Variants in NKAIN2 observed in about 807,000 individuals in gnomAD.
NKAIN2 encodes the protein sodium/potassium-transporting ATPase subunit beta-1-interacting protein 2.
Under a neutral mutation model 32.6 loss-of-function variants are expected in NKAIN2, and 14 were observed. The ratio of observed to expected loss-of-function variants is 0.43; its 90% CI spans 0.28 to 0.67. The LOEUF is 0.67. Among genes scored for constraint, NKAIN2 ranks in the 30% least tolerant of loss-of-function variants. The pLI, the probability that NKAIN2 is intolerant of heterozygous loss-of-function variation, is 0.17. For missense variants in NKAIN2, 198 were observed against 258.3 expected, an observed-to-expected ratio of 0.77 and a Z score of 1.60; for synonymous variants, 80 against 87.2, an observed-to-expected ratio of 0.92 and a Z score of 0.46.
chr6:123,807,046 C>T (rs760312493), intron 1 of NKAIN2, among the ~76,000 whole-genome samples: 1 of 151,964 alleles, frequency 6.6e-6, no homozygotes, highest in African/African-American at 2.4e-5. Flanking sequence ...GGGACAGAGG[C>T]AGATTCTTCA....
chr6:124,653,705 G>C (rs911444174), intron 3 of NKAIN2, among the ~76,000 whole-genome samples: 1 of 151,928 alleles, frequency 6.6e-6, no homozygotes, highest in Non-Finnish European at 1.5e-5. Context: ...ATTATCAAAA[G>C]AATGAAAAGA....
chr6:123,804,257 A>G lies in NKAIN2; in HGVS notation c.54+3A>G, dbSNP rs1419229896. Reference sequence around the variant, plus strand: ...TCTTTATCTGTGGCATGCAACTGGTAAGTGACACTTGGGTCCCCTTATTCT... The same window carrying G: ...TCTTTATCTGTGGCATGCAACTGGTGAGTGACACTTGGGTCCCCTTATTCT... On this transcript the variant is annotated splice_donor_region_variant and intron_variant, in intron 1 of 6. Transcript: ENST00000368417. 3.7e-6 allele frequency: 6 copies of G among 1,612,284 alleles called. No homozygotes were observed. The highest frequency in any genetic ancestry group is 2.2e-5 in the South Asian group (2 of 91,052).
chr6:124,552,696 G>A lies in NKAIN2; in HGVS notation c.274-105490G>A, dbSNP rs184680795. Reference sequence around the variant, plus strand: ...TTTTCAATGTCTGCTTGTTGAACAGGGGGAACAAAGCTCTCAGAATCAATG... The same window carrying A: ...TTTTCAATGTCTGCTTGTTGAACAGAGGGAACAAAGCTCTCAGAATCAATG... On this transcript the variant is annotated intron_variant, in intron 3 of 6. Transcript: ENST00000368417. Among the ~76,000 whole-genome samples the A allele has an allele frequency of 2.4e-3, 359 of 152,254 alleles. 1 individual carries two copies. Among genetic ancestry groups the A allele is most frequent in the Middle Eastern group, 0.01 (3 of 294 alleles).
intron 1 of NKAIN2, among the ~76,000 whole-genome samples, chr6:124,268,786 G>T (rs1353320564): frequency 6.6e-6 from 1 of 151,736 alleles, no homozygotes; most frequent in African/African-American, 2.4e-5. Context: ...TAATACCACT[G>T]CTGAAGTGAT....
intron 1 of NKAIN2, among the ~76,000 whole-genome samples, chr6:124,190,293 G>C (rs1009600858): frequency 1.3e-5 from 2 of 152,194 alleles, no homozygotes; most frequent in Non-Finnish European, 2.9e-5. Context: ...AAAGCACTTT[G>C]TAAATTATAA....
intron 1 of NKAIN2, among the ~76,000 whole-genome samples, chr6:123,953,549 A>G (rs1309251928): frequency 6.6e-6 from 1 of 151,950 alleles, no homozygotes; most frequent in East Asian, 1.9e-4. Context: ...TCGGACCTAT[A>G]GATGGTTTGT....
chr6:124,142,286 T>A (rs1241310048), intron 1 of NKAIN2, among the ~76,000 whole-genome samples: 1 of 152,204 alleles, frequency 6.6e-6, no homozygotes, highest in Non-Finnish European at 1.5e-5. Context: ...ACTCTACATA[T>A]TCATGAATTC....
chr6:124,724,820 A>G (rs936084737), intron 4 of NKAIN2, among the ~76,000 whole-genome samples: 3 of 152,206 alleles, frequency 2.0e-5, no homozygotes, highest in African/African-American at 7.2e-5. Context: ...AGTTCCATCC[A>G]GGTTTAAATA....
At chr6:123,870,093 T>A (rs991028842) in intron 1 of NKAIN2, among the ~76,000 whole-genome samples, 1 of 152,204 alleles carries the variant, frequency 6.6e-6, no homozygotes, top group Non-Finnish European at 1.5e-5. Context: ...ATTATTTTTT[T>A]ACTCTGTGTG....
chr6:124,348,357 C>T (rs1459572297), intron 2 of NKAIN2, among the ~76,000 whole-genome samples: 1 of 152,280 alleles, frequency 6.6e-6, no homozygotes, highest in East Asian at 1.9e-4. Context: ...CACTGCTCTC[C>T]TCAAAGCTGT....
At chr6:124,189,122 C>T (rs1436548568) in intron 1 of NKAIN2, among the ~76,000 whole-genome samples, 1 of 151,830 alleles carries the variant, frequency 6.6e-6, no homozygotes, top group African/African-American at 2.4e-5. Flanking sequence ...CATTAAGGTG[C>T]TCACATGAAG....
At chr6:124,045,043 G>A (rs1782053143) in intron 1 of NKAIN2, among the ~76,000 whole-genome samples, 1 of 152,032 alleles carries the variant, frequency 6.6e-6, no homozygotes, top group South Asian at 2.1e-4. Context: ...TTATTCAGCT[G>A]AGATAATTTT....
chr6:124,791,357 G>A lies in NKAIN2; in HGVS notation c.493G>A (p.Ala165Thr), dbSNP rs780197488. The A allele has an allele frequency of 4.3e-5, 69 of 1,609,182 alleles. No homozygotes were observed. The East Asian group carries it at 8.3e-4, about 19-fold the overall frequency. Residue 165 changes from alanine to threonine, a missense_variant, in exon 5 of 7, where the codon GCC (alanine) becomes ACC (threonine). By Grantham distance (58) the Ala-to-Thr change is moderately conservative (BLOSUM62 0). Coordinates refer to ENST00000368417, the MANE Select transcript of NKAIN2 (RefSeq NM_001040214.3). ...IVLALAGFIY[A>T]CYVVKCITEE... ...GTTTCAGCTGGCAGGTTTCATCTAC[G>A]CCTGTTATGTTGTGAAATGTATAAC...
rs191781645 is a variant in NKAIN2, at chr6:124,375,251, A to G, written c.273+19904A>G. On this transcript the variant is annotated intron_variant, in intron 3 of 6. Coordinates refer to ENST00000368417, the MANE Select transcript of NKAIN2 (RefSeq NM_001040214.3). ...CTATTACTTGTCTTCACTGCTAATC[A>G]TGGCACTTATCATAGTCTGGCATTA... Among the ~76,000 whole-genome samples, 429 of 151,978 alleles carry G rather than the reference A, an allele frequency of 2.8e-3. 1 individual carries two copies. The highest frequency in any genetic ancestry group is 9.5e-3 in the African/African-American group (392 of 41,468).
At chr6:123,986,164 G>A (rs1156528337) in intron 1 of NKAIN2, among the ~76,000 whole-genome samples, 2 of 151,826 alleles carry the variant, frequency 1.3e-5, no homozygotes, top group East Asian at 1.9e-4. Flanking sequence ...AGACAAAAGG[G>A]GCTAGAATTA....
chr6:124,287,743 G>A (rs1795620757), intron 2 of NKAIN2, among the ~76,000 whole-genome samples: 1 of 151,982 alleles, frequency 6.6e-6, no homozygotes, highest in Admixed American at 6.6e-5. Context: ...CATCATTTGG[G>A]GAAGTAGAAT....
chr6:123,805,331 C>T (rs1773170560), intron 1 of NKAIN2, among the ~76,000 whole-genome samples: 1 of 152,186 alleles, frequency 6.6e-6, no homozygotes, highest in South Asian at 2.1e-4. Flanking sequence ...CAAGGATTTG[C>T]CATTGAAACT....
chr6:123,826,751 A>G (rs1166900784), intron 1 of NKAIN2, among the ~76,000 whole-genome samples: 1 of 151,958 alleles, frequency 6.6e-6, no homozygotes, highest in Non-Finnish European at 1.5e-5. Flanking sequence ...CCATCAGTGA[A>G]CTCTTGGGTT....
intron 3 of NKAIN2, among the ~76,000 whole-genome samples, chr6:124,651,592 C>A (rs529816456): frequency 6.6e-6 from 1 of 152,162 alleles, no homozygotes; most frequent in Non-Finnish European, 1.5e-5. Flanking sequence ...AACAGTGGCC[C>A]GAGCTGTACT....
Sources: allele counts gnomAD v4.1 joint callset (sites outside exome capture counted in the v4.1 genomes callset), GRCh38; gene constraint gnomAD v4.1.1; transcripts MANE v1.5; gene names NCBI Gene and HGNC (gene_info 2026-07-23, HGNC 2026-07-21).